Variants in CCDC148 observed in about 807,000 individuals in gnomAD.
CCDC148 encodes coiled-coil domain-containing protein 148.
In CCDC148, 89 loss-of-function variants were observed where a neutral mutation model predicts 85.7. That is an observed-to-expected ratio of 1.04 (90% CI 0.87 to 1.24). The LOEUF is 1.24. Among genes scored for constraint, CCDC148 ranks in the 50% most tolerant of loss-of-function variants. The pLI is 0.00. For missense variants in CCDC148, 692 were observed against 671.7 expected, an observed-to-expected ratio of 1.03 and a Z score of -0.33; for synonymous variants, 230 against 213.9, an observed-to-expected ratio of 1.08 and a Z score of -0.66.
intron 9 of CCDC148, among the ~76,000 whole-genome samples, chr2:158,295,471 C>T (rs957244897): frequency 5.3e-5 from 8 of 151,586 alleles, no homozygotes; most frequent in African/African-American, 1.9e-4. Flanking sequence ...CGCGAAAATC[C>T]TCAATAAAAT....
intron 7 of CCDC148, among the ~76,000 whole-genome samples, chr2:158,332,749 G>T (rs893149601): frequency 6.6e-6 from 1 of 151,896 alleles, no homozygotes; most frequent in Admixed American, 6.6e-5. Flanking sequence ...CTTCTTCCTG[G>T]TTTAGACTTC....
chr2:158,361,244 G>A (rs10194162), intron 1 of CCDC148, among the ~76,000 whole-genome samples: 53,900 of 151,660 alleles, frequency 0.36, 9,908 homozygotes, highest in African/African-American at 0.45. Context: ...AAGTTGGAAT[G>A]CACTCTTCAG....
At chr2:158,434,482 T>C (rs1196028923) in intron 1 of CCDC148, among the ~76,000 whole-genome samples, 3 of 152,094 alleles carry the variant, frequency 2.0e-5, no homozygotes, top group Non-Finnish European at 4.4e-5. Context: ...GTCACCATCA[T>C]AGAAGACCAA....
At chr2:158,228,732 C>T (rs1303934442) in intron 10 of CCDC148, among the ~76,000 whole-genome samples, 1 of 148,558 alleles carries the variant, frequency 6.7e-6, no homozygotes, top group Non-Finnish European at 1.5e-5. Flanking sequence ...ACCACATGTT[C>T]TCACTCATAG....
At chr2:158,336,897 C>G (rs1682417092) in intron 7 of CCDC148, among the ~76,000 whole-genome samples, 1 of 152,110 alleles carries the variant, frequency 6.6e-6, no homozygotes, top group Non-Finnish European at 1.5e-5. Context: ...AAGCATACCC[C>G]TTCTTCAAAC....
chr2:158,297,999 A>T (rs1691269463), intron 9 of CCDC148, among the ~76,000 whole-genome samples: 1 of 152,252 alleles, frequency 6.6e-6, no homozygotes, highest in Admixed American at 6.5e-5. Flanking sequence ...TTCACAGTTC[A>T]GCATGGCTGG....
chr2:158,333,007 A>G (rs1693224570), intron 7 of CCDC148, among the ~76,000 whole-genome samples: 1 of 151,838 alleles, frequency 6.6e-6, no homozygotes. Context: ...GATTTTTTTG[A>G]AGGGTTTTTC....
intron 9 of CCDC148, among the ~76,000 whole-genome samples, chr2:158,278,002 G>C (rs1690041814): frequency 6.6e-6 from 1 of 152,180 alleles, no homozygotes; most frequent in African/African-American, 2.4e-5. Flanking sequence ...TGTGGTTCTA[G>C]CCACTACACT....
intron 1 of CCDC148, among the ~76,000 whole-genome samples, chr2:158,422,390 T>C (rs2105324492): frequency 6.6e-6 from 1 of 152,252 alleles, no homozygotes; most frequent in South Asian, 2.1e-4. Flanking sequence ...TTCACCATGA[T>C]CAAGTGGGCT....
chr2:158,382,931 A>AC (rs912680372), intron 1 of CCDC148, among the ~76,000 whole-genome samples: 9 of 151,800 alleles, frequency 5.9e-5, no homozygotes, highest in East Asian at 1.9e-4. Flanking sequence ...ACAAAAAAAA[A>AC]CCACAATAAC....
At chr2:158,186,475 T>A (rs1404905426) in intron 11 of CCDC148, among the ~76,000 whole-genome samples, 2 of 152,078 alleles carry the variant, frequency 1.3e-5, no homozygotes, top group African/African-American at 4.8e-5. Context: ...TGTCACCCAT[T>A]TAACCTTACT....
intron 1 of CCDC148, among the ~76,000 whole-genome samples, chr2:158,361,238 T>C (rs1233692318): frequency 2.6e-5 from 4 of 151,900 alleles, no homozygotes; most frequent in Non-Finnish European, 4.4e-5. Flanking sequence ...GGAACCAAGT[T>C]GGAATGCACT....
At chr2:158,231,562 G>GTA (rs1448747568) in intron 10 of CCDC148, among the ~76,000 whole-genome samples, 4 of 152,102 alleles carry the variant, frequency 2.6e-5, no homozygotes, top group Non-Finnish European at 5.9e-5. Flanking sequence ...TAAAGACTCA[G>GTA]TTTTAGCATT....
intron 13 of CCDC148, among the ~76,000 whole-genome samples, chr2:158,175,945 T>C (rs915855703): frequency 6.6e-6 from 1 of 152,040 alleles, no homozygotes; most frequent in Non-Finnish European, 1.5e-5. Flanking sequence ...AAAAGATCTT[T>C]TAAAATCCTT....
chr2:158,262,794 C>T (rs1652906470), intron 9 of CCDC148, among the ~76,000 whole-genome samples: 1 of 151,938 alleles, frequency 6.6e-6, no homozygotes, highest in Non-Finnish European at 1.5e-5. Flanking sequence ...CAGGTCCCTC[C>T]CTTGAAACGT....
intron 1 of CCDC148, among the ~76,000 whole-genome samples, chr2:158,421,883 G>A (rs1046134346): frequency 3.3e-5 from 5 of 151,602 alleles, no homozygotes; most frequent in African/African-American, 9.7e-5. Flanking sequence ...TCAAATAGAC[G>A]CAATAAAAAA....
intron 9 of CCDC148, among the ~76,000 whole-genome samples, chr2:158,270,623 G>C (rs2105162005): frequency 1.3e-5 from 2 of 152,276 alleles, no homozygotes; most frequent in South Asian, 4.2e-4. Context: ...TGCCATGGCT[G>C]TCCATACAAA....
chr2:158,263,583 T>A (rs986542458), intron 9 of CCDC148, among the ~76,000 whole-genome samples: 1 of 152,130 alleles, frequency 6.6e-6, no homozygotes, highest in East Asian at 1.9e-4. Flanking sequence ...CTTACAAACA[T>A]CCCTTTAAAA....
chr2:158,238,814 C>T (rs57634784), intron 10 of CCDC148, among the ~76,000 whole-genome samples: 45,821 of 152,026 alleles, frequency 0.3, 8,515 homozygotes, highest in East Asian at 0.59. Context: ...GCCATTAAAG[C>T]GACCCGAAAG....
Sources: gnomAD v4.1 joint callset for allele counts (sites outside exome capture counted in the v4.1 genomes callset) on GRCh38, gnomAD v4.1.1 for gene constraint, MANE v1.5 for transcripts, NCBI Gene and HGNC (gene_info 2026-07-23, HGNC 2026-07-21) for gene names.